PRKN: variants seen among roughly 807,000 people sequenced by gnomAD.
PRKN encodes the protein parkin RBR E3 ubiquitin protein ligase, also known as E3 ubiquitin-protein ligase parkin.
PRKN carries 56 observed loss-of-function variants against 59.5 expected under a neutral mutation model. That is an observed-to-expected ratio of 0.94 (90% CI 0.76 to 1.18). The LOEUF (loss-of-function observed/expected upper bound fraction) is 1.18. Among genes scored for constraint, PRKN ranks in the 50% most tolerant of loss-of-function variants. The pLI is 0.00. For missense variants in PRKN, 657 were observed against 596.4 expected (o/e 1.10, Z -1.06); for synonymous variants, 250 against 222.1 (o/e 1.13, Z -1.12).
rs71004055 is a variant in PRKN at position 161,581,041 on chromosome 6, A to AACACACACACACACAC, written c.872-11641_872-11626dup. On this transcript the variant is annotated intron_variant, in intron 7 of 11. Coordinates refer to ENST00000366898, the MANE Select transcript of PRKN (RefSeq NM_004562.3). The surrounding 1 kb of genome is among the most constrained non-coding windows in gnomAD (Gnocchi z 4.5). ...ACACAGTGAAATCCTGTCTCTACTAAACACACACACACACACACACACACA... is the reference window on the plus strand; with the variant it reads ...ACACAGTGAAATCCTGTCTCTACTAAACACACACACACACACACACACACACACACACACACACACA... 9.0e-3 allele frequency among the ~76,000 whole-genome samples: 1,234 copies of AACACACACACACACAC among 137,582 alleles called. 27 individuals carry two copies. Among genetic ancestry groups the AACACACACACACACAC allele is most frequent in the African/African-American group, 0.028 (1,012 of 35,940 alleles). The allele number at this position is 137,582 out of a possible 152,430, so 90.3% of individuals were successfully genotyped here.
At chr6:162,023,176 C>T (rs1250552213) in intron 5 of PRKN, among the ~76,000 whole-genome samples, 1 of 152,032 alleles carries the variant, frequency 6.6e-6, no homozygotes, top group Non-Finnish European at 1.5e-5. Flanking sequence ...ACAGCAGTGT[C>T]TCGGGGTGAC....
chr6:162,671,864 G>T (rs763483027), intron 1 of PRKN, among the ~76,000 whole-genome samples: 2 of 152,074 alleles, frequency 1.3e-5, no homozygotes, highest in Non-Finnish European at 2.9e-5. Flanking sequence ...AATCAGGCAG[G>T]TGCTGAGAGG....
chr6:162,578,744 G>C (rs73593999), intron 1 of PRKN, among the ~76,000 whole-genome samples: 3,131 of 152,038 alleles, frequency 0.021, 107 homozygotes, highest in African/African-American at 0.07. Flanking sequence ...ATATTTTAAG[G>C]GCTGTTCATT....
At chr6:162,568,519 T>C (rs1324044852) in intron 1 of PRKN, 6 of 717,716 alleles carry the variant, frequency 8.4e-6, no homozygotes, top group Non-Finnish European at 1.5e-5. Flanking sequence ...AACCAGAGAC[T>C]GCTGAGCCTC....
rs1268655724 is a variant in PRKN, at chr6:161,466,488, T to A, written c.1084-79611A>T. On this transcript the variant is annotated intron_variant, in intron 9 of 11. Transcript: ENST00000366898. This position sits in a 1 kb window ranked among gnomAD's most constrained non-coding sequence, Gnocchi z 5.0. ...CAACTAGTTTCTATTTTTGCACTCA[T>A]CTGCTCTGATCTGTTTAGGCAGAAG... Among the ~76,000 whole-genome samples the A allele has an allele frequency of 6.6e-6, 1 of 152,234 alleles. No individual in the cohort carries two copies. The highest frequency in any genetic ancestry group is 2.4e-5 in the African/African-American group (1 of 41,468).
chr6:162,289,563 G>T (rs974402769), intron 2 of PRKN, among the ~76,000 whole-genome samples: 2 of 151,988 alleles, frequency 1.3e-5, no homozygotes, highest in Non-Finnish European at 2.9e-5. Flanking sequence ...CGGGCATGAT[G>T]GCAGGTACCT....
chr6:162,470,578 G>A (rs971233528), intron 1 of PRKN, among the ~76,000 whole-genome samples: 2 of 149,312 alleles, frequency 1.3e-5, no homozygotes, highest in African/African-American at 2.4e-5. Flanking sequence ...GCAACACTGC[G>A]AAACTCTGTC....
rs567205938 is a variant in PRKN, at chr6:162,132,798, G to A, written c.534+68333C>T. On this transcript the variant is annotated intron_variant, in intron 4 of 11. Coordinates refer to ENST00000366898, the MANE Select transcript of PRKN (RefSeq NM_004562.3). ...GCTGTGGACAAAAATCAAGCAGAGC[G>A]GTGGGATGGCGGGTTATAAGAGGGT... 8.0e-4 allele frequency among the ~76,000 whole-genome samples: 121 copies of A among 152,196 alleles called. 2 individuals are homozygous for A. The highest frequency in any genetic ancestry group is 3.4e-3 in the Middle Eastern group (1 of 294).
chr6:162,424,593 G>A (rs1263812779), intron 2 of PRKN, among the ~76,000 whole-genome samples: 6 of 152,012 alleles, frequency 3.9e-5, no homozygotes, highest in South Asian at 4.2e-4. Context: ...AAAATTAGCC[G>A]GGTGTGGTCA....
intron 1 of PRKN, among the ~76,000 whole-genome samples, chr6:162,530,794 C>T (rs371420175): frequency 2.0e-5 from 3 of 152,134 alleles, no homozygotes; most frequent in African/African-American, 7.2e-5. Context: ...CAGTGGCTCA[C>T]GCCCATAATC....
At chr6:162,362,014 A>C (rs1388200786) in intron 2 of PRKN, among the ~76,000 whole-genome samples, 2 of 152,232 alleles carry the variant, frequency 1.3e-5, no homozygotes, top group African/African-American at 4.8e-5. Context: ...TCAGATTTTC[A>C]ACAATGAATT....
chr6:162,708,216 C>G (rs929338853), intron 1 of PRKN, among the ~76,000 whole-genome samples: 1 of 151,906 alleles, frequency 6.6e-6, no homozygotes, highest in Non-Finnish European at 1.5e-5. Flanking sequence ...CAGCTGTGCC[C>G]CAAGAAAACT....
chr6:162,045,643 C>G (rs1266064051), intron 5 of PRKN, among the ~76,000 whole-genome samples: 1 of 152,180 alleles, frequency 6.6e-6, no homozygotes, highest in African/African-American at 2.4e-5. Flanking sequence ...CTCTTGATAA[C>G]TTTTTGAGAG....
intron 6 of PRKN, among the ~76,000 whole-genome samples, chr6:161,892,455 C>T (rs939247420): frequency 6.6e-6 from 1 of 152,104 alleles, no homozygotes; most frequent in South Asian, 2.1e-4. Context: ...TTTACTTCCT[C>T]CAATTCCTTT....
chr6:162,323,828 G>C (rs1294797625), intron 2 of PRKN, among the ~76,000 whole-genome samples: 1 of 152,088 alleles, frequency 6.6e-6, no homozygotes, highest in African/African-American at 2.4e-5. Context: ...AATCAGTTTG[G>C]AAAAGATTTT....
intron 1 of PRKN, among the ~76,000 whole-genome samples, chr6:162,528,230 G>A (rs1045241722): frequency 2.0e-5 from 3 of 151,720 alleles, no homozygotes; most frequent in Admixed American, 6.6e-5. Context: ...GCTGAGGCAG[G>A]AGAATCGCTT....
At position 161,369,303 on chromosome 6, in the gene PRKN, A is replaced by G. The variant is rs1038997965; in HGVS notation, c.1168-9098T>C. On this transcript the variant is annotated intron_variant, in intron 10 of 11. Coordinates refer to ENST00000366898, the MANE Select transcript of PRKN (RefSeq NM_004562.3). This position sits in a 1 kb window ranked among gnomAD's most constrained non-coding sequence, Gnocchi z 5.8. The stretch of plus-strand genomic sequence containing the variant: ...GTCCAGACTCTGGAGATTGGGATTC[A>G]GTAGGTCTGTGGCGGGGTACAGAAA... Among the ~76,000 whole-genome samples the G allele has an allele frequency of 6.6e-6, 1 of 152,200 alleles. No homozygotes were observed. The highest frequency in any genetic ancestry group is 2.4e-5 in the African/African-American group (1 of 41,458).
intron 1 of PRKN, among the ~76,000 whole-genome samples, chr6:162,638,430 C>T (rs907602879): frequency 7.2e-5 from 11 of 152,148 alleles, no homozygotes; most frequent in African/African-American, 4.8e-5. Flanking sequence ...CCTACAATTA[C>T]GAGACAAGAA....
At chr6:162,188,073 C>A (rs1353433115) in intron 4 of PRKN, among the ~76,000 whole-genome samples, 1 of 152,128 alleles carries the variant, frequency 6.6e-6, no homozygotes, top group Non-Finnish European at 1.5e-5. Flanking sequence ...GAGTTCCCTG[C>A]AAACTCTCTT....
Sources: gnomAD v4.1 joint callset for allele counts (sites outside exome capture counted in the v4.1 genomes callset) on GRCh38, gnomAD v4.1.1 for gene constraint, Gnocchi (gnomAD v3.1) non-coding constraint, MANE v1.5 for transcripts, NCBI Gene and HGNC (gene_info 2026-07-23, HGNC 2026-07-21) for gene names.